Variants in SPMIP2 observed in about 807,000 individuals in gnomAD.
SPMIP2 encodes the protein protein SPMIP2.
At chr4:158,962,789 A>G in the SPMIP2 span, among the ~76,000 whole-genome samples, 2 of 152,198 alleles carry the variant, frequency 1.3e-5, no homozygotes, top group African/African-American at 4.8e-5. Context: ...TCAGAGCATG[A>G]GTAGAAACAA....
At chr4:158,912,080 A>G in the SPMIP2 span, among the ~76,000 whole-genome samples, 1 of 152,218 alleles carries the variant, frequency 6.6e-6, no homozygotes, top group Non-Finnish European at 1.5e-5. Context: ...AAGGAAAAAA[A>G]CAACCAGAAA....
At chr4:158,931,977 T>C in the SPMIP2 span, among the ~76,000 whole-genome samples, 1 of 152,062 alleles carries the variant, frequency 6.6e-6, no homozygotes, top group African/African-American at 2.4e-5. Flanking sequence ...TTTGAACATA[T>C]TTATAACAGC....
the SPMIP2 span, among the ~76,000 whole-genome samples, chr4:159,004,837 A>G: frequency 6.6e-6 from 1 of 152,002 alleles, no homozygotes; most frequent in African/African-American, 2.4e-5. Context: ...CCTGGTATTA[A>G]AGCTACCAGG....
At chr4:158,911,212 C>T in the SPMIP2 span, among the ~76,000 whole-genome samples, 8 of 152,042 alleles carry the variant, frequency 5.3e-5, no homozygotes, top group African/African-American at 1.9e-4. Flanking sequence ...CGCGGTGGCT[C>T]ATTCCAGTGC....
At chr4:158,962,038 CA>C in the SPMIP2 span, among the ~76,000 whole-genome samples, 4 of 152,088 alleles carry the variant, frequency 2.6e-5, no homozygotes, top group African/African-American at 9.7e-5. Context: ...AAAATAATTA[CA>C]ACTCCAATTT....
At chr4:159,017,701 G>T in the SPMIP2 span, among the ~76,000 whole-genome samples, 1 of 152,118 alleles carries the variant, frequency 6.6e-6, no homozygotes, top group Non-Finnish European at 1.5e-5. Context: ...GCCCAAATAG[G>T]CCGCTTCACA....
the SPMIP2 span, among the ~76,000 whole-genome samples, chr4:158,948,854 A>G: frequency 2.6e-5 from 4 of 152,018 alleles, no homozygotes; most frequent in African/African-American, 9.7e-5. Context: ...TTCAACTGCC[A>G]TGGCTTCCCA....
chr4:159,047,613 C>A, the SPMIP2 span, among the ~76,000 whole-genome samples: 1 of 152,192 alleles, frequency 6.6e-6, no homozygotes, highest in African/African-American at 2.4e-5. Flanking sequence ...GCCACAGATT[C>A]TTGGTAATCT....
the SPMIP2 span, among the ~76,000 whole-genome samples, chr4:159,072,448 ATTCTT>A: frequency 7.5e-6 from 1 of 133,816 alleles, no homozygotes. Context: ...AATCTTATGA[ATTCTT>A]TTTTTTTTTT....
chr4:158,898,283 CTT>C, the SPMIP2 span, among the ~76,000 whole-genome samples: 2 of 152,156 alleles, frequency 1.3e-5, no homozygotes, highest in Non-Finnish European at 2.9e-5. Flanking sequence ...ATGCCTCCAG[CTT>C]TGTTCTTTTT....
the SPMIP2 span, among the ~76,000 whole-genome samples, chr4:158,929,005 G>A: frequency 1.3e-4 from 20 of 152,242 alleles, no homozygotes; most frequent in African/African-American, 3.9e-4. Flanking sequence ...CACTCACTGC[G>A]AGCGTCCGAG....
the SPMIP2 span, among the ~76,000 whole-genome samples, chr4:159,061,814 T>TGA: frequency 7.2e-6 from 1 of 138,992 alleles, no homozygotes; most frequent in South Asian, 2.3e-4. Flanking sequence ...CAGTCTCAAT[T>TGA]AAAAAAAAAA....
At chr4:159,010,740 G>A in the SPMIP2 span, among the ~76,000 whole-genome samples, 1 of 152,190 alleles carries the variant, frequency 6.6e-6, no homozygotes, top group African/African-American at 2.4e-5. Context: ...AGCTTTGTTG[G>A]CAACTGAGCT....
chr4:159,004,246 A>G, the SPMIP2 span, among the ~76,000 whole-genome samples: 1 of 142,418 alleles, frequency 7.0e-6, no homozygotes, highest in East Asian at 2.1e-4. Flanking sequence ...AGCTGAGTCC[A>G]TTTTGAAGAG....
At chr4:158,911,933 C>T in the SPMIP2 span, among the ~76,000 whole-genome samples, 1 of 151,842 alleles carries the variant, frequency 6.6e-6, no homozygotes, top group South Asian at 2.1e-4. Flanking sequence ...ATCATATGCA[C>T]ATAAATTATA....
chr4:159,079,099 C>T, the SPMIP2 span, among the ~76,000 whole-genome samples: 1 of 152,032 alleles, frequency 6.6e-6, no homozygotes, highest in East Asian at 1.9e-4. Context: ...ACCTGGGTGA[C>T]AGAGTGAGAT....
chr4:158,944,736 C>T, the SPMIP2 span, among the ~76,000 whole-genome samples: 2 of 152,162 alleles, frequency 1.3e-5, no homozygotes, highest in Non-Finnish European at 2.9e-5. Context: ...AATTTGGAGT[C>T]ATCACTGCCT....
At chr4:158,921,298 C>G in the SPMIP2 span, among the ~76,000 whole-genome samples, 3 of 152,098 alleles carry the variant, frequency 2.0e-5, no homozygotes, top group Non-Finnish European at 2.9e-5. Context: ...AATAATTAGC[C>G]AGCCATGGTG....
the SPMIP2 span, among the ~76,000 whole-genome samples, chr4:158,911,178 G>A: frequency 3.3e-5 from 5 of 152,064 alleles, no homozygotes; most frequent in African/African-American, 4.8e-5. Context: ...GTAACATTTC[G>A]TTAAAAGTGG....
Sources: gnomAD v4.1 joint callset for allele counts (sites outside exome capture counted in the v4.1 genomes callset) on GRCh38, gnomAD v4.1.1 for gene constraint, MANE v1.5 for transcripts, NCBI Gene and HGNC (gene_info 2026-07-23, HGNC 2026-07-21) for gene names.